The following RTN1 variants were observed in gnomAD, a reference collection of about 807,000 sequenced individuals.
RTN1 encodes the protein reticulon 1.
RTN1 carries 25 observed loss-of-function variants against 65.5 expected under a neutral mutation model. The observed-to-expected ratio is 0.38, with a 90% CI of 0.28 to 0.53. RTN1 has a LOEUF of 0.53. Ranked by LOEUF, RTN1 falls within the 20% of genes least tolerant of loss-of-function variation. The probability of loss-of-function intolerance (pLI) is 0.79; values close to 1 mark genes in which losing one functional copy is unlikely to be tolerated. For synonymous variants in RTN1, 471 were observed against 447.6 expected (o/e 1.05, Z -0.66); for missense variants, 983 against 1,025.4 (o/e 0.96, Z 0.57).
chr14:59,603,912 G>A lies in RTN1; in HGVS notation c.2122C>T (p.Leu708=), dbSNP rs751296873. ...CCAACGTAGGTCAGGAGCCACATCA[G>A]GACTGCAAACTGAAGAACGAAAGCA... ...DLVDSLKFAV[L]MWLLTYVGAL... The change falls in exon 6 of 9, where the codon CTG becomes TTG. Residue 708 remains leucine, a synonymous_variant. Coordinates refer to ENST00000267484, the MANE Select transcript of RTN1 (RefSeq NM_021136.3). The A allele has an allele frequency of 3.7e-6, 6 of 1,611,314 alleles. No individual in the cohort carries two copies. In the Middle Eastern group the frequency reaches 5.0e-4, roughly 133 times the overall value.
intron 6 of RTN1, 22 bp downstream of exon 6, chr14:59,603,829 TA>T: frequency 6.3e-7 from 1 of 1,588,018 alleles, no homozygotes; most frequent in Non-Finnish European, 8.6e-7. Context: ...AAGGAAGACG[TA>T]TACAGTCTTA....
rs766345102 is a variant in RTN1, at chr14:59,746,026, G to T, written c.697C>A (p.Pro233Thr). Residue 233 changes from proline (P) to threonine (T), a missense_variant, in exon 2 of 9, where the codon CCT becomes ACT. By Grantham distance (38) the Pro-to-Thr change is conservative. Transcript: ENST00000267484. ...KNKDTDISIK[P>T]EGVREPDKPA... ...TTGTCAGGTTCACGGACTCCTTCAG[G>T]TTTAATTGAGATGTCAGTGTCTTTA... is the stretch of plus-strand genomic sequence containing the variant. 6.2e-7 allele frequency: 1 copy of T among 1,613,986 alleles called. No homozygotes were observed. The highest frequency in any genetic ancestry group is 1.3e-5 in the African/African-American group (1 of 74,898).
rs550048217 is a variant in RTN1, at chr14:59,710,105, C to T, written c.1765+16814G>A. Among the ~76,000 whole-genome samples the T allele has an allele frequency of 1.1e-4, 17 of 149,554 alleles. No individual in the cohort carries two copies. In the East Asian group the frequency reaches 1.6e-3, roughly 14 times the overall value. ...TTGCCCAGGCTGGAGTGCAGTGGCA[C>T]GATCTCAGCTCACTGAAGCCTTACC... On this transcript the variant is annotated intron_variant, in intron 3 of 8. Transcript: ENST00000267484.
Position 59,662,235 on chromosome 14 carries a change from C to T in RTN1, c.1766-54743G>A, listed in dbSNP as rs771073344. Among the ~76,000 whole-genome samples the T allele has an allele frequency of 2.7e-4, 41 of 151,350 alleles. No homozygotes were observed. In the East Asian group the frequency reaches 6.8e-3, roughly 25 times the overall value. ...TGCAGGTTTGTTACATATGTATACA[C>T]GTGCCATGTTGGTGTGCTGCACCCA... On this transcript the variant is annotated intron_variant, in intron 3 of 8. Coordinates refer to ENST00000267484, the MANE Select transcript of RTN1 (RefSeq NM_021136.3).
At chr14:59,712,869 C>T (rs1328907916) in intron 3 of RTN1, among the ~76,000 whole-genome samples, 1 of 150,330 alleles carries the variant, frequency 6.7e-6, no homozygotes, top group African/African-American at 2.5e-5. Flanking sequence ...TGAAATCACT[C>T]CCATTGCACT....
rs779847209 is a variant in RTN1, at chr14:59,700,576, C to T, written c.1765+26343G>A. The stretch of plus-strand genomic sequence containing the variant: ...GTCTAGAAACAGACACTTACATTTA[C>T]GGTCAATTTATTTTTGGCCAGGGTG... On this transcript the variant is annotated intron_variant, in intron 3 of 8. Transcript: ENST00000267484. Among the ~76,000 whole-genome samples, 5 of 152,172 alleles carry T rather than the reference C, an allele frequency of 3.3e-5. No individual in the cohort carries two copies. In the South Asian group the frequency reaches 6.2e-4, roughly 19 times the overall value.
chr14:59,639,982 C>A (rs1177951901), intron 3 of RTN1, among the ~76,000 whole-genome samples: 1 of 152,106 alleles, frequency 6.6e-6, no homozygotes, highest in African/African-American at 2.4e-5. Context: ...TATTGTCCTT[C>A]AATTTTCTTT....
At chr14:59,770,916 C>T (rs952033161) in intron 1 of RTN1, among the ~76,000 whole-genome samples, 16 of 151,928 alleles carry the variant, frequency 1.1e-4, no homozygotes, top group African/African-American at 3.9e-4. Flanking sequence ...GCATGGTGGC[C>T]GGTGTCTGCA....
intron 1 of RTN1, among the ~76,000 whole-genome samples, chr14:59,860,155 A>T (rs143347147): frequency 2.0e-5 from 3 of 152,190 alleles, no homozygotes; most frequent in African/African-American, 7.2e-5. Context: ...CTCCCATCAC[A>T]GGCCCCAAGG....
At chr14:59,717,047 T>C (rs190737319) in intron 3 of RTN1, among the ~76,000 whole-genome samples, 1 of 150,122 alleles carries the variant, frequency 6.7e-6, no homozygotes, top group Non-Finnish European at 1.5e-5. Flanking sequence ...TGGATGGCAA[T>C]AGACATTAAC....
At chr14:59,769,922 A>C (rs912146675) in intron 1 of RTN1, among the ~76,000 whole-genome samples, 1 of 152,178 alleles carries the variant, frequency 6.6e-6, no homozygotes, top group Non-Finnish European at 1.5e-5. Context: ...GGATGGATAG[A>C]ATGGCAAAAG....
intron 3 of RTN1, among the ~76,000 whole-genome samples, chr14:59,703,982 T>C (rs1884235609): frequency 6.6e-6 from 1 of 152,228 alleles, no homozygotes; most frequent in Non-Finnish European, 1.5e-5. Flanking sequence ...TTATATTGTA[T>C]TTTTCTTCCT....
chr14:59,863,205 C>CAA (rs150450189), intron 1 of RTN1, among the ~76,000 whole-genome samples: 13 of 148,668 alleles, frequency 8.7e-5, no homozygotes, highest in South Asian at 4.3e-4. Context: ...TTCTCCATAG[C>CAA]AAAAAAAAAA....
At chr14:59,861,313 C>A (rs1887705896) in intron 1 of RTN1, among the ~76,000 whole-genome samples, 1 of 152,172 alleles carries the variant, frequency 6.6e-6, no homozygotes, top group Non-Finnish European at 1.5e-5. Flanking sequence ...CTCTCTTTGC[C>A]TGCTGCCATC....
chr14:59,803,810 G>C lies in RTN1; in HGVS notation c.242-57329C>G, dbSNP rs74985622. Among the ~76,000 whole-genome samples, 1,839 of 152,322 alleles carry C rather than the reference G, an allele frequency of 0.012. 34 individuals carry two copies. Among genetic ancestry groups the C allele is most frequent in the African/African-American group, 0.041 (1,710 of 41,582 alleles). On this transcript the variant is annotated intron_variant, in intron 1 of 8. Coordinates refer to ENST00000267484, the MANE Select transcript of RTN1 (RefSeq NM_021136.3). This position sits in a 1 kb window ranked among gnomAD's most constrained non-coding sequence, Gnocchi z 5.6. ...GGTGGTTTAGGCCTCTCAACTTGAA[G>C]ATTCAGAAACCTGAGGCCACAGTAT... is the stretch of plus-strand genomic sequence containing the variant.
intron 3 of RTN1, chr14:59,630,479 T>C: frequency 6.2e-7 from 1 of 1,613,808 alleles, no homozygotes; most frequent in Admixed American, 1.7e-5. Flanking sequence ...ACACAGTCCA[T>C]CTTGGTGGAA....
Position 59,686,262 on chromosome 14 carries a change from T to C in RTN1, c.1765+40657A>G, listed in dbSNP as rs1249499561. 2.0e-5 allele frequency among the ~76,000 whole-genome samples: 3 copies of C among 152,190 alleles called. No individual in the cohort carries two copies. In the East Asian group the frequency reaches 5.8e-4, roughly 29 times the overall value. ...AGCTCTGTGACACTGGCCTGGGCGA[T>C]TATTTTTTTGGATATGACCTCAAAA... On this transcript the variant is annotated intron_variant, in intron 3 of 8. Transcript: ENST00000267484.
chr14:59,749,134 A>C (rs1239167887), intron 1 of RTN1, among the ~76,000 whole-genome samples: 3 of 64,938 alleles, frequency 4.6e-5, no homozygotes, highest in African/African-American at 2.3e-4. Flanking sequence ...AGATATATCT[A>C]TATCTATCTA....
chr14:59,732,221 GT>G (rs1444867955), intron 2 of RTN1, among the ~76,000 whole-genome samples: 1 of 152,190 alleles, frequency 6.6e-6, no homozygotes, highest in African/African-American at 2.4e-5. Flanking sequence ...ATGATGCAGG[GT>G]TGATGTAACT....
Sources: gnomAD v4.1 joint callset for allele counts (sites outside exome capture counted in the v4.1 genomes callset) on GRCh38, gnomAD v4.1.1 for gene constraint, Gnocchi (gnomAD v3.1) non-coding constraint, MANE v1.5 for transcripts, NCBI Gene and HGNC (gene_info 2026-07-23, HGNC 2026-07-21) for gene names.